Variants in MAGI2 observed in about 807,000 individuals in gnomAD.
MAGI2 encodes membrane associated guanylate kinase, WW and PDZ domain containing 2.
A neutral mutation model predicts 133.3 loss-of-function variants in MAGI2; 35 were observed. The observed-to-expected ratio is 0.26, with a 90% CI of 0.20 to 0.35. The LOEUF is 0.35. MAGI2 is among the 10% of genes least tolerant of loss of function. MAGI2 has a pLI of 1.00. For synonymous variants in MAGI2, 729 were observed against 710.6 expected, an observed-to-expected ratio of 1.03 and a Z score of -0.41; for missense variants, 1,636 against 1,863.4, an observed-to-expected ratio of 0.88 and a Z score of 2.25.
At chr7:78,960,348 G>A (rs190690861) in intron 2 of MAGI2, among the ~76,000 whole-genome samples, 1 of 152,106 alleles carries the variant, frequency 6.6e-6, no homozygotes, top group East Asian at 1.9e-4. Flanking sequence ...TTCATATAAC[G>A]ATACCATGTT....
intron 1 of MAGI2, among the ~76,000 whole-genome samples, chr7:79,416,458 C>G (rs910375384): frequency 6.6e-6 from 1 of 151,654 alleles, no homozygotes; most frequent in African/African-American, 2.4e-5. Context: ...GAATATGGAC[C>G]AAGGATGTGA....
chr7:78,094,714 A>AT (rs1817546347), intron 20 of MAGI2, among the ~76,000 whole-genome samples: 1 of 152,084 alleles, frequency 6.6e-6, no homozygotes, highest in African/African-American at 2.4e-5. Flanking sequence ...CAATTGATTT[A>AT]TTTTTCCAAT....
intron 1 of MAGI2, among the ~76,000 whole-genome samples, chr7:79,075,884 A>G (rs1815419437): frequency 1.3e-5 from 2 of 152,228 alleles, no homozygotes; most frequent in South Asian, 4.1e-4. Flanking sequence ...AATTGTTAAA[A>G]TATCAATTCC....
rs1027788658 is a variant in MAGI2 at position 78,019,455 on chromosome 7, C to T, written c.4228G>A (p.Ala1410Thr). 2 of 982,184 alleles carry T rather than the reference C, an allele frequency of 2.0e-6. No homozygotes were observed. The highest frequency in any genetic ancestry group is 2.4e-6 in the Non-Finnish European group (2 of 829,586). 60.8% of individuals were successfully genotyped at this position (982,184 alleles called of 1,614,324 possible). The change falls in exon 22 of 22, where the codon GCG (alanine) becomes ACG (threonine). Residue 1410 changes from alanine to threonine, a missense_variant. Coordinates refer to ENST00000354212, the MANE Select transcript of MAGI2 (RefSeq NM_012301.4). ...GGTCGCGGGCCCGGCCGGGGACCCG[C>T]GCGCGCACCCGCCCTGCCCTCGGCC... ...LEAEGRAGARAGPRPGPRPPG... is the reference protein window; with the variant it reads ...LEAEGRAGARTGPRPGPRPPG...
At chr7:79,313,698 T>A (rs1271173401) in intron 1 of MAGI2, among the ~76,000 whole-genome samples, 1 of 152,242 alleles carries the variant, frequency 6.6e-6, no homozygotes, top group Admixed American at 6.5e-5. Flanking sequence ...TTACTTTTAT[T>A]TTTGAAATTC....
At chr7:78,767,948 ATT>A (rs965427860) in intron 2 of MAGI2, among the ~76,000 whole-genome samples, 3 of 152,104 alleles carry the variant, frequency 2.0e-5, no homozygotes, top group Admixed American at 2.0e-4. Context: ...CACTGCGAAA[ATT>A]TTGTTATTTC....
rs548527665 is a variant in MAGI2, at chr7:78,676,141, CA to C, written c.419-48903del. Among the ~76,000 whole-genome samples the C allele has an allele frequency of 6.9e-3, 1,046 of 152,178 alleles. 11 individuals carry two copies. Among genetic ancestry groups the C allele is most frequent in the African/African-American group, 0.024 (1,012 of 41,524 alleles). On this transcript the variant is annotated intron_variant, in intron 2 of 21. Coordinates refer to ENST00000354212, the MANE Select transcript of MAGI2 (RefSeq NM_012301.4). ...AAAAATTAGAAAAGTAATATTCTCACAAAATCCATTATAAAGAATGAGGTAA... is the reference window on the plus strand; with the variant it reads ...AAAAATTAGAAAAGTAATATTCTCACAAATCCATTATAAAGAATGAGGTAA...
chr7:78,177,805 T>G (rs1826801738), intron 14 of MAGI2, among the ~76,000 whole-genome samples: 1 of 152,216 alleles, frequency 6.6e-6, no homozygotes, highest in South Asian at 2.1e-4. Context: ...GAATGTGATT[T>G]CTAAAGAGAT....
chr7:78,414,426 G>T (rs1798118056), intron 6 of MAGI2, among the ~76,000 whole-genome samples: 1 of 151,878 alleles, frequency 6.6e-6, no homozygotes, highest in Non-Finnish European at 1.5e-5. Context: ...AAATATAAGG[G>T]TAGTTGCTCT....
At chr7:79,009,327 T>C (rs1807810716) in intron 1 of MAGI2, among the ~76,000 whole-genome samples, 1 of 152,156 alleles carries the variant, frequency 6.6e-6, no homozygotes, top group Non-Finnish European at 1.5e-5. Context: ...CTGTATCTTT[T>C]TTTTCATAGA....
chr7:79,078,749 C>T (rs6959070), intron 1 of MAGI2, among the ~76,000 whole-genome samples: 5,550 of 152,194 alleles, frequency 0.036, 314 homozygotes, highest in African/African-American at 0.12. Context: ...AGGAAATACA[C>T]CAATAAACAC....
At chr7:78,682,060 C>A (rs1001558614) in intron 2 of MAGI2, among the ~76,000 whole-genome samples, 26 of 151,998 alleles carry the variant, frequency 1.7e-4, no homozygotes, top group Non-Finnish European at 2.6e-4. Flanking sequence ...TAATTCCCAA[C>A]ACAGAATTAA....
At chr7:78,191,660 G>C (rs1031937074) in intron 12 of MAGI2, among the ~76,000 whole-genome samples, 3 of 152,178 alleles carry the variant, frequency 2.0e-5, no homozygotes, top group Non-Finnish European at 2.9e-5. Flanking sequence ...CAGCCTGCTG[G>C]GTGGGAGAAT....
intron 2 of MAGI2, among the ~76,000 whole-genome samples, chr7:78,895,243 C>T (rs1243455584): frequency 6.6e-6 from 1 of 152,142 alleles, no homozygotes; most frequent in Non-Finnish European, 1.5e-5. Flanking sequence ...CACCTCAGGA[C>T]TCTGCAGATA....
Position 78,646,985 on chromosome 7 carries a change from C to T in MAGI2, c.419-19746G>A, listed in dbSNP as rs114439219. 6.7e-3 allele frequency among the ~76,000 whole-genome samples: 1,022 copies of T among 152,216 alleles called. 10 individuals are homozygous for T. The highest frequency in any genetic ancestry group is 0.024 in the African/African-American group (985 of 41,536). ...CTACTTGAATATAAATTACTATAAC[C>T]GCCTTGGTGGGTGGGTGACAGTAAT... On this transcript the variant is annotated intron_variant, in intron 2 of 21. Transcript: ENST00000354212.
At chr7:78,868,800 C>T (rs921317251) in intron 2 of MAGI2, among the ~76,000 whole-genome samples, 3 of 152,018 alleles carry the variant, frequency 2.0e-5, no homozygotes, top group Non-Finnish European at 1.5e-5. Context: ...GTCGCCCAGG[C>T]TGGAGTGCAG....
At chr7:78,958,133 C>T (rs916264078) in intron 2 of MAGI2, among the ~76,000 whole-genome samples, 14 of 152,144 alleles carry the variant, frequency 9.2e-5, no homozygotes, top group African/African-American at 3.1e-4. Context: ...TGAAGCCCTG[C>T]TCTCCTGTTT....
intron 1 of MAGI2, among the ~76,000 whole-genome samples, chr7:79,138,976 CAAAAAAA>C (rs57907314): frequency 4.6e-5 from 3 of 65,186 alleles, no homozygotes; most frequent in Non-Finnish European, 9.1e-5. Flanking sequence ...ACTCTTGTCT[CAAAAAAA>C]AAAAAAAAAA....
intron 2 of MAGI2, among the ~76,000 whole-genome samples, chr7:78,854,323 T>C (rs909242453): frequency 1.3e-5 from 2 of 152,166 alleles, no homozygotes; most frequent in African/African-American, 4.8e-5. Flanking sequence ...ATTAACAATG[T>C]ATCTTATGAG....
Sources: gnomAD v4.1 joint callset for allele counts (sites outside exome capture counted in the v4.1 genomes callset) on GRCh38, gnomAD v4.1.1 for gene constraint, MANE v1.5 for transcripts, NCBI Gene and HGNC (gene_info 2026-07-23, HGNC 2026-07-21) for gene names.